Variants in ADAMTS12 observed in about 807,000 individuals in gnomAD.
ADAMTS12 encodes the protein ADAM metallopeptidase with thrombospondin type 1 motif 12.
ADAMTS12 carries 118 observed loss-of-function variants against 167.8 expected under a neutral mutation model. The observed-to-expected ratio is 0.70, with a 90% confidence interval of 0.61 to 0.82. ADAMTS12 has a LOEUF of 0.82. ADAMTS12 is among the 40% of genes least tolerant of loss of function. The probability of loss-of-function intolerance (pLI) is 0.00; values close to 1 mark genes in which losing one functional copy is unlikely to be tolerated. For missense variants in ADAMTS12, 1,916 were observed against 1,998.8 expected (o/e 0.96, Z 0.79); for synonymous variants, 704 against 716.9 (o/e 0.98, Z 0.29).
At chr5:33,863,211 A>C (rs1364551980) in intron 2 of ADAMTS12, among the ~76,000 whole-genome samples, 1 of 152,196 alleles carries the variant, frequency 6.6e-6, no homozygotes, top group African/African-American at 2.4e-5. Flanking sequence ...GGCAAGAGAA[A>C]GAAATAAAGG....
intron 16 of ADAMTS12, among the ~76,000 whole-genome samples, chr5:33,596,511 A>T (rs1261788385): frequency 6.6e-6 from 1 of 152,122 alleles, no homozygotes; most frequent in Non-Finnish European, 1.5e-5. Context: ...GTGAAACCCC[A>T]TCTCTACTAA....
chr5:33,599,943 T>C (rs1169976881), intron 16 of ADAMTS12, among the ~76,000 whole-genome samples: 1 of 152,206 alleles, frequency 6.6e-6, no homozygotes, highest in Non-Finnish European at 1.5e-5. Flanking sequence ...ACCTTGATCT[T>C]TCCCTGGAAA....
chr5:33,691,930 C>CT (rs1742560466), intron 3 of ADAMTS12, among the ~76,000 whole-genome samples: 1 of 152,236 alleles, frequency 6.6e-6, no homozygotes. Context: ...TAGATCTGGG[C>CT]TATCCTAAGG....
intron 11 of ADAMTS12, among the ~76,000 whole-genome samples, chr5:33,639,269 C>A (rs1740344663): frequency 3.9e-5 from 6 of 152,190 alleles, no homozygotes; most frequent in Admixed American, 2.6e-4. Flanking sequence ...ATGTGCTCAA[C>A]ACTGTTCAGG....
chr5:33,545,950 T>C (rs1744957229), intron 22 of ADAMTS12, 109 bp downstream of exon 22: 31 of 1,361,970 alleles, frequency 2.3e-5, no homozygotes, highest in Non-Finnish European at 3.0e-5. Flanking sequence ...ACGTGGCACA[T>C]GTATACCTAT....
Position 33,644,738 on chromosome 5 carries a change from C to T in ADAMTS12, c.1480-1268G>A, listed in dbSNP as rs112193308. On this transcript the variant is annotated intron_variant, in intron 9 of 23. Coordinates refer to ENST00000504830, the MANE Select transcript of ADAMTS12 (RefSeq NM_030955.4). ...AATTATGAACTCATCTGAAGGGTGG[C>T]TTTTTTTTTTTTGACAGAGTCTCAC... Among the ~76,000 whole-genome samples, 1,242 of 147,014 alleles carry T rather than the reference C, an allele frequency of 8.4e-3. 22 individuals are homozygous for T. Among genetic ancestry groups the T allele is most frequent in the African/African-American group, 0.03 (1,193 of 40,142 alleles).
At chr5:33,615,749 C>T (rs1250964511) in intron 15 of ADAMTS12, 79 bp downstream of exon 15, 2 of 1,565,700 alleles carry the variant, frequency 1.3e-6, no homozygotes, top group Non-Finnish European at 1.7e-6. Context: ...CTTAATGTCC[C>T]CTAGCAAGTA....
At chr5:33,573,117 A>G (rs1158956767) in intron 19 of ADAMTS12, among the ~76,000 whole-genome samples, 1 of 152,208 alleles carries the variant, frequency 6.6e-6, no homozygotes, top group Non-Finnish European at 1.5e-5. Context: ...AAGAAATGGA[A>G]GAAGATTCCA....
In ADAMTS12 at chr5:33,637,660, G is replaced by T. The variant is rs1179437141; in HGVS notation, c.1805C>A (p.Thr602Lys). The change falls in exon 12 of 24, where the codon ACA becomes AAA. Residue 602 changes from threonine (T) to lysine (K), a missense_variant. Thr to Lys is a moderately conservative substitution (Grantham distance 78). Coordinates refer to ENST00000504830, the MANE Select transcript of ADAMTS12 (RefSeq NM_030955.4). ...TTCACTGCACTGCATCTGCCGAAAT[G>T]TTGGTGCCTCTGAGCGACAGGGGTG... is the stretch of plus-strand genomic sequence containing the variant. ...NVHPCRSEAP[T>K]FRQMQCSEFD... 5 of 1,613,816 alleles carry T rather than the reference G, an allele frequency of 3.1e-6. No homozygotes were observed. In the Admixed American group the frequency reaches 8.3e-5, roughly 27 times the overall value.
chr5:33,596,656 T>G (rs1421256763), intron 16 of ADAMTS12, among the ~76,000 whole-genome samples: 1 of 152,194 alleles, frequency 6.6e-6, no homozygotes, highest in Non-Finnish European at 1.5e-5. Flanking sequence ...CACTCCAGCC[T>G]GGGCAACAGA....
intron 3 of ADAMTS12, among the ~76,000 whole-genome samples, chr5:33,720,996 T>A (rs939842598): frequency 1.3e-5 from 2 of 152,200 alleles, no homozygotes; most frequent in Admixed American, 1.3e-4. Flanking sequence ...AACAGTAGAA[T>A]GAAGAAATAA....
chr5:33,647,309 T>A (rs1740704135), intron 9 of ADAMTS12, among the ~76,000 whole-genome samples: 1 of 152,168 alleles, frequency 6.6e-6, no homozygotes, highest in African/African-American at 2.4e-5. Flanking sequence ...ATAAATCCAT[T>A]TATAAATGGA....
At chr5:33,806,947 G>T (rs1168813283) in intron 2 of ADAMTS12, among the ~76,000 whole-genome samples, 1 of 152,120 alleles carries the variant, frequency 6.6e-6, no homozygotes, top group East Asian at 1.9e-4. Context: ...CTTCCCACTT[G>T]ACTGCCTCTA....
At chr5:33,619,363 G>C (rs531498803) in intron 14 of ADAMTS12, among the ~76,000 whole-genome samples, 6 of 152,214 alleles carry the variant, frequency 3.9e-5, no homozygotes, top group African/African-American at 1.4e-4. Flanking sequence ...TCTGGTATTC[G>C]TTTATCTTCT....
chr5:33,618,043 C>T (rs1049153459), intron 14 of ADAMTS12, among the ~76,000 whole-genome samples: 5 of 152,238 alleles, frequency 3.3e-5, no homozygotes, highest in Non-Finnish European at 5.9e-5. Context: ...TTTTGACTAT[C>T]TCCAAACTTA....
At chr5:33,741,031 G>A (rs1744557092) in intron 3 of ADAMTS12, among the ~76,000 whole-genome samples, 1 of 152,354 alleles carries the variant, frequency 6.6e-6, no homozygotes, top group African/African-American at 2.4e-5. Flanking sequence ...GTAAGGCCTT[G>A]TGTGGCCCCT....
chr5:33,554,815 T>G (rs1375977683), intron 20 of ADAMTS12, among the ~76,000 whole-genome samples: 1 of 152,168 alleles, frequency 6.6e-6, no homozygotes. Context: ...AGAACTAGAA[T>G]AAGACAGAAG....
chr5:33,617,716 A>G (rs1225585635), intron 14 of ADAMTS12, among the ~76,000 whole-genome samples: 1 of 152,194 alleles, frequency 6.6e-6, no homozygotes, highest in African/African-American at 2.4e-5. Flanking sequence ...ATCAGAGCTC[A>G]TGCAGGTAAA....
At chr5:33,863,221 G>C (rs1362754854) in intron 2 of ADAMTS12, among the ~76,000 whole-genome samples, 4 of 152,090 alleles carry the variant, frequency 2.6e-5, no homozygotes, top group African/African-American at 4.8e-5. Flanking sequence ...AGAAATAAAG[G>C]GTATTCAAAT....
Sources: allele counts gnomAD v4.1 joint callset (sites outside exome capture counted in the v4.1 genomes callset), GRCh38; gene constraint gnomAD v4.1.1; transcripts MANE v1.5; gene names NCBI Gene and HGNC (gene_info 2026-07-23, HGNC 2026-07-21).